The following ADCY10 variants were observed in gnomAD, a reference collection of about 807,000 sequenced individuals.
ADCY10 encodes the protein adenylate cyclase type 10.
Under a neutral mutation model 183.3 loss-of-function variants are expected in ADCY10, and 156 were observed. That is an observed-to-expected ratio of 0.85 (90% CI 0.75 to 0.97). The LOEUF (loss-of-function observed/expected upper bound fraction) is 0.97. Ranked by LOEUF, ADCY10 falls within the 50% of genes least tolerant of loss-of-function variation. The pLI is 0.00. For missense variants in ADCY10, 1,745 were observed against 1,934.3 expected, an observed-to-expected ratio of 0.90 and a Z score of 1.84; for synonymous variants, 645 against 670.0, an observed-to-expected ratio of 0.96 and a Z score of 0.58.
chr1:167,852,044 A>C (rs1174232044), intron 18 of ADCY10, among the ~76,000 whole-genome samples: 1 of 152,194 alleles, frequency 6.6e-6, no homozygotes, highest in Admixed American at 6.5e-5. Context: ...TGCATTCACA[A>C]TATTATGTAA....
chr1:167,903,792 C>T, intron 3 of ADCY10, 95 bp downstream of exon 3: 1 of 883,738 alleles, frequency 1.1e-6, no homozygotes, highest in Non-Finnish European at 1.9e-6. Flanking sequence ...AGGAGGAGTG[C>T]TAAGCAATTG....
chr1:167,861,890 T>C (rs558685183), intron 14 of ADCY10, among the ~76,000 whole-genome samples: 3 of 152,214 alleles, frequency 2.0e-5, no homozygotes, highest in Non-Finnish European at 2.9e-5. Flanking sequence ...CTCATGAGAT[T>C]TGATGGTTTA....
chr1:167,874,070 G>A (rs1024000196), intron 13 of ADCY10, among the ~76,000 whole-genome samples: 3 of 152,188 alleles, frequency 2.0e-5, no homozygotes, highest in Non-Finnish European at 4.4e-5. Context: ...AGTGGCTCAC[G>A]CCTGTAATCC....
chr1:167,894,839 G>A (rs1046821610), intron 7 of ADCY10, among the ~76,000 whole-genome samples: 1 of 152,168 alleles, frequency 6.6e-6, no homozygotes, highest in Non-Finnish European at 1.5e-5. Flanking sequence ...GAAGTTTGTA[G>A]AGGATTCAAC....
intron 18 of ADCY10, among the ~76,000 whole-genome samples, chr1:167,853,341 A>G (rs1230363879): frequency 1.3e-5 from 2 of 152,184 alleles, no homozygotes; most frequent in African/African-American, 4.8e-5. Context: ...CGTTATGTGT[A>G]AAACAAACAG....
At chr1:167,877,107 T>C (rs1667523928) in intron 12 of ADCY10, among the ~76,000 whole-genome samples, 1 of 151,942 alleles carries the variant, frequency 6.6e-6, no homozygotes. Context: ...GTTTTGTGAT[T>C]GCCCGTAAGG....
chr1:167,836,983 G>A (rs991528236), intron 22 of ADCY10: 29 of 435,476 alleles, frequency 6.7e-5, no homozygotes, highest in African/African-American at 5.7e-4. Flanking sequence ...TGAGATTGTG[G>A]CATTGCACTC....
intron 1 of ADCY10, among the ~76,000 whole-genome samples, chr1:167,906,790 A>G (rs1164828462): frequency 1.3e-5 from 2 of 152,124 alleles, no homozygotes; most frequent in African/African-American, 4.8e-5. Flanking sequence ...CTCCATCTCT[A>G]AAATAATAAT....
rs1663542319 is a variant in ADCY10, at chr1:167,829,335, T to C, written c.3682A>G (p.Lys1228Glu). 1.2e-6 allele frequency: 2 copies of C among 1,614,148 alleles called. No individual in the cohort carries two copies. Among genetic ancestry groups the C allele is most frequent in the East Asian group, 4.5e-5 (2 of 44,882 alleles). Residue 1228 changes from lysine to glutamate, a missense_variant, in exon 26 of 33, where the codon AAG becomes GAG. Transcript: ENST00000367851. ...IYSYSYLFHC[K>E]YYAHLAVMMQ... ...ATAACTGCCAGGTGGGCATAATACTTGCAGTGAAAAAGATAACTGTAGCTA... is the reference window on the plus strand; with the variant it reads ...ATAACTGCCAGGTGGGCATAATACTCGCAGTGAAAAAGATAACTGTAGCTA...
chr1:167,887,469 C>G (rs1030788169), intron 8 of ADCY10, among the ~76,000 whole-genome samples: 2 of 152,116 alleles, frequency 1.3e-5, no homozygotes, highest in Admixed American at 6.6e-5. Context: ...ACCACATGTT[C>G]TCACTCATAG....
At chr1:167,895,436 A>G (rs937105567) in intron 7 of ADCY10, among the ~76,000 whole-genome samples, 16 of 152,084 alleles carry the variant, frequency 1.1e-4, no homozygotes, top group African/African-American at 3.6e-4. Context: ...ACAGTCTTCT[A>G]TTTGTAACAT....
chr1:167,900,300 C>T (rs1199410604), intron 5 of ADCY10, among the ~76,000 whole-genome samples: 3 of 152,078 alleles, frequency 2.0e-5, no homozygotes, highest in African/African-American at 7.2e-5. Flanking sequence ...GGCTGACTCC[C>T]CCCTGATTCT....
intron 8 of ADCY10, among the ~76,000 whole-genome samples, chr1:167,889,744 C>A (rs759209235): frequency 5.3e-5 from 8 of 152,138 alleles, no homozygotes; most frequent in Non-Finnish European, 1.2e-4. Context: ...TTTTAGATTT[C>A]TTCAGGGTCC....
intron 13 of ADCY10, among the ~76,000 whole-genome samples, chr1:167,872,317 A>G (rs899586666): frequency 2.0e-5 from 3 of 151,764 alleles, no homozygotes; most frequent in Admixed American, 1.3e-4. Context: ...CAGCCTGGGC[A>G]ACAAGAGCAA....
intron 1 of ADCY10, among the ~76,000 whole-genome samples, chr1:167,912,706 G>A (rs1295726827): frequency 6.6e-6 from 1 of 152,054 alleles, no homozygotes; most frequent in African/African-American, 2.4e-5. Flanking sequence ...TAAACTCTCC[G>A]ATCCTTAAAA....
intron 8 of ADCY10, among the ~76,000 whole-genome samples, chr1:167,883,837 A>T (rs1668037810): frequency 6.6e-6 from 1 of 152,118 alleles, no homozygotes; most frequent in Non-Finnish European, 1.5e-5. Flanking sequence ...GCATGTGCTA[A>T]TTTTTGGCCA....
intron 1 of ADCY10, among the ~76,000 whole-genome samples, chr1:167,911,995 C>A: frequency 6.6e-6 from 1 of 152,142 alleles, no homozygotes; most frequent in East Asian, 1.9e-4. Context: ...AAATAAATAT[C>A]TGGGAGTTTC....
At position 167,853,830 on chromosome 1, in the gene ADCY10, C is replaced by CTTTTTTTTTTTTTTTTTTTTTTT. The variant is rs538462140; in HGVS notation, c.2308+500_2308+522dup. Among the ~76,000 whole-genome samples the CTTTTTTTTTTTTTTTTTTTTTTT allele has an allele frequency of 4.4e-4, 34 of 77,190 alleles. 6 individuals carry two copies. The highest frequency in any genetic ancestry group is 6.6e-4 in the African/African-American group (12 of 18,132). 50.6% of individuals were successfully genotyped at this position (77,190 alleles called of 152,430 possible). A position where few individuals can be genotyped will look rare whatever the true frequency, so the allele number is the denominator to read the frequency against. ...TGTTCTTTCATTTCTACTATAGTTA[C>CTTTTTTTTTTTTTTTTTTTTTTT]TTTTTTTTTTTTTTTTTTTTTTTTT... On this transcript the variant is annotated intron_variant, in intron 18 of 32. Transcript: ENST00000367851.
At position 167,899,561 on chromosome 1, in the gene ADCY10, A is replaced by G. The variant is rs1557830124; in HGVS notation, c.504T>C (p.Ile168=). ...GDETHSHFLV[I]GQAVDDVRLA... ...GGCGCACATCGTCCACTGCCTGACC[A>G]ATCACCAGAAAGTGGCTGTGTGTTT... is the stretch of plus-strand genomic sequence containing the variant. Residue 168 remains isoleucine, a synonymous_variant, in exon 6 of 33, where the codon ATT becomes ATC. Transcript: ENST00000367851. 6.8e-6 allele frequency: 11 copies of G among 1,614,216 alleles called. No homozygotes were observed. Among genetic ancestry groups the G allele is most frequent in the South Asian group, 1.1e-5 (1 of 91,086 alleles).
Sources: gnomAD v4.1 joint callset for allele counts (sites outside exome capture counted in the v4.1 genomes callset) on GRCh38, gnomAD v4.1.1 for gene constraint, MANE v1.5 for transcripts, NCBI Gene and HGNC (gene_info 2026-07-23, HGNC 2026-07-21) for gene names.